Variants in COL23A1 observed in about 807,000 individuals in gnomAD.
COL23A1 encodes the protein collagen type XXIII alpha 1 chain.
A neutral mutation model predicts 99.3 loss-of-function variants in COL23A1; 97 were observed. That is an observed-to-expected ratio of 0.98 (90% CI 0.83 to 1.16). The LOEUF (loss-of-function observed/expected upper bound fraction) is 1.16, where lower values mean the gene tolerates loss of function less well. Among genes scored for constraint, COL23A1 ranks in the 50% most tolerant of loss-of-function variants. The pLI, the probability that COL23A1 is intolerant of heterozygous loss-of-function variation, is 0.00. For missense variants in COL23A1, 762 were observed against 757.4 expected, an observed-to-expected ratio of 1.01 and a Z score of -0.07; for synonymous variants, 320 against 308.2, an observed-to-expected ratio of 1.04 and a Z score of -0.40.
chr5:178,319,923 G>A (rs1023543214), intron 2 of COL23A1, among the ~76,000 whole-genome samples: 6 of 152,254 alleles, frequency 3.9e-5, no homozygotes, highest in East Asian at 1.9e-4. Context: ...GCACCCGGCC[G>A]CATGCCCCTC....
intron 2 of COL23A1, among the ~76,000 whole-genome samples, chr5:178,341,501 C>T (rs1024835081): frequency 3.9e-5 from 6 of 152,308 alleles, no homozygotes; most frequent in Admixed American, 6.5e-5. Flanking sequence ...AGGGGTCCCC[C>T]AGTGAAGGTT....
intron 2 of COL23A1, among the ~76,000 whole-genome samples, chr5:178,326,745 A>G (rs1269198677): frequency 5.9e-5 from 9 of 152,164 alleles, no homozygotes; most frequent in Non-Finnish European, 1.3e-4. Flanking sequence ...TTTGAGACGG[A>G]GTCTCGCTCT....
At chr5:178,245,300 TCATCCATCCATCCATCCATC>T (rs144926160) in intron 25 of COL23A1, among the ~76,000 whole-genome samples, 1 of 133,230 alleles carries the variant, frequency 7.5e-6, no homozygotes, top group African/African-American at 3.0e-5. Flanking sequence ...ACTGCCATCA[TCATCCATCCATCCATCCATC>T]CATCCATCCA....
At chr5:178,349,353 T>G (rs2127674768) in intron 2 of COL23A1, among the ~76,000 whole-genome samples, 1 of 152,288 alleles carries the variant, frequency 6.6e-6, no homozygotes, top group African/African-American at 2.4e-5. Flanking sequence ...AGAGGCCCAC[T>G]GCGGCGGGTG....
chr5:178,381,366 T>A (rs575259040), intron 2 of COL23A1, among the ~76,000 whole-genome samples: 1 of 152,060 alleles, frequency 6.6e-6, no homozygotes, highest in Non-Finnish European at 1.5e-5. Context: ...ACGATGGCCA[T>A]GGGGATGGCG....
chr5:178,469,837 C>T (rs941663532), intron 2 of COL23A1, among the ~76,000 whole-genome samples: 13 of 152,252 alleles, frequency 8.5e-5, no homozygotes, highest in African/African-American at 2.2e-4. Flanking sequence ...GGTCGGGCCA[C>T]GGAACCGTCT....
rs56323836 is a variant in COL23A1, at chr5:178,369,745, G to A, written c.362-62826C>T. Among the ~76,000 whole-genome samples, 645 of 151,990 alleles carry A rather than the reference G, an allele frequency of 4.2e-3. 1 individual carries two copies. Among genetic ancestry groups the A allele is most frequent in the Non-Finnish European group, 7.9e-3 (540 of 67,974 alleles). On this transcript the variant is annotated intron_variant, in intron 2 of 28. Transcript: ENST00000390654. ...CCTTGCCTTCTGCCATGATTGTAAG[G>A]CCCCCCCAGCCAGGTGGAACTGTAA... is the stretch of plus-strand genomic sequence containing the variant.
intron 9 of COL23A1, 40 bp from the exon 10 acceptor site, chr5:178,262,292 T>C (rs990286652): frequency 2.6e-6 from 4 of 1,563,158 alleles, no homozygotes; most frequent in Admixed American, 1.9e-5. Flanking sequence ...GGATGCAGGA[T>C]GTCACATTGA....
intron 2 of COL23A1, among the ~76,000 whole-genome samples, chr5:178,311,754 G>C (rs1019759578): frequency 3.2e-5 from 4 of 124,688 alleles, no homozygotes; most frequent in Non-Finnish European, 4.8e-5. Context: ...TTTTTGAGAC[G>C]GAGTCTCACT....
intron 2 of COL23A1, among the ~76,000 whole-genome samples, chr5:178,422,650 C>A (rs1196316542): frequency 6.6e-6 from 1 of 152,134 alleles, no homozygotes; most frequent in Non-Finnish European, 1.5e-5. Context: ...CCCACGTGGT[C>A]GCCATCCATC....
rs142183875 is a variant in COL23A1 at position 178,343,651 on chromosome 5, T to TTA, written c.362-36734_362-36733dup. 8.3e-3 allele frequency among the ~76,000 whole-genome samples: 1,052 copies of TTA among 127,116 alleles called. 24 individuals are homozygous for TTA. Among genetic ancestry groups the TTA allele is most frequent in the Non-Finnish European group, 9.1e-3 (544 of 59,534 alleles). 83.4% of individuals were successfully genotyped at this position (127,116 alleles called of 152,430 possible). On this transcript the variant is annotated intron_variant, in intron 2 of 28. Coordinates refer to ENST00000390654, the MANE Select transcript of COL23A1 (RefSeq NM_173465.4). The stretch of plus-strand genomic sequence containing the variant: ...TTGTGCAAACATCTGAATTTTTCCA[T>TTA]TATATATATATATTTTTTTTTTTTT...
chr5:178,481,093 A>G (rs1757307798), intron 2 of COL23A1, among the ~76,000 whole-genome samples: 1 of 145,818 alleles, frequency 6.9e-6, no homozygotes, highest in Non-Finnish European at 1.5e-5. Context: ...GGCTGCAGCG[A>G]GCCGAGATCG....
At chr5:178,561,868 G>T in intron 1 of COL23A1, 1 of 277,978 alleles carries the variant, frequency 3.6e-6, no homozygotes, top group Non-Finnish European at 7.2e-6. Context: ...GTCTGCCTCT[G>T]ACTGGAACAG....
chr5:178,251,336 A>C (rs1172729151), intron 17 of COL23A1, among the ~76,000 whole-genome samples: 2 of 152,182 alleles, frequency 1.3e-5, no homozygotes, highest in East Asian at 3.9e-4. Flanking sequence ...ATAATTAAAT[A>C]AGAAATTAAT....
At chr5:178,557,389 A>T (rs1762332478) in intron 2 of COL23A1, among the ~76,000 whole-genome samples, 1 of 152,200 alleles carries the variant, frequency 6.6e-6, no homozygotes, top group South Asian at 2.1e-4. Context: ...TTTGAGGGCG[A>T]CAGGATTCAA....
At chr5:178,297,208 C>T (rs934904858) in intron 3 of COL23A1, among the ~76,000 whole-genome samples, 1 of 152,262 alleles carries the variant, frequency 6.6e-6, no homozygotes, top group South Asian at 2.1e-4. Context: ...AAACCTTCCA[C>T]GACTGTGACA....
intron 2 of COL23A1, among the ~76,000 whole-genome samples, chr5:178,367,490 C>A (rs1394581565): frequency 6.6e-6 from 1 of 152,200 alleles, no homozygotes; most frequent in Non-Finnish European, 1.5e-5. Flanking sequence ...CTGTGGTAGA[C>A]TGGGGCTTCC....
intron 1 of COL23A1, among the ~76,000 whole-genome samples, chr5:178,574,444 GA>G (rs980710494): frequency 6.6e-5 from 10 of 152,158 alleles, no homozygotes; most frequent in African/African-American, 2.4e-4. Flanking sequence ...GCAGGATGTG[GA>G]GGGAAATTCT....
chr5:178,564,015 C>T (rs1762731929), intron 1 of COL23A1, among the ~76,000 whole-genome samples: 1 of 152,190 alleles, frequency 6.6e-6, no homozygotes, highest in South Asian at 2.1e-4. Flanking sequence ...TAAACAAAAG[C>T]ATTTCATGCC....
Sources: gnomAD v4.1 joint callset for allele counts (sites outside exome capture counted in the v4.1 genomes callset) on GRCh38, gnomAD v4.1.1 for gene constraint, MANE v1.5 for transcripts, NCBI Gene and HGNC (gene_info 2026-07-23, HGNC 2026-07-21) for gene names.